Variants in C11orf21 observed in about 807,000 individuals in gnomAD.
C11orf21 encodes the protein uncharacterized protein C11orf21.
C11orf21 carries 19 observed loss-of-function variants against 15.2 expected under a neutral mutation model. That is an observed-to-expected ratio of 1.25 (90% CI 0.87 to 1.84). The LOEUF is 1.84. Among genes scored for constraint, C11orf21 ranks in the 40% most tolerant of loss-of-function variants. The pLI, the probability that C11orf21 is intolerant of heterozygous loss-of-function variation, is 0.00. For synonymous variants in C11orf21, 62 were observed against 66.8 expected, an observed-to-expected ratio of 0.93 and a Z score of 0.35; for missense variants, 171 against 174.4, an observed-to-expected ratio of 0.98 and a Z score of 0.11.
chr11:2,300,842 CG>C, intron 1 of C11orf21: 2 of 1,402,436 alleles, frequency 1.4e-6, no homozygotes, highest in Non-Finnish European at 9.9e-7. Context: ...TTGCACAGCC[CG>C]GGGGCCTCCT....
chr11:2,298,472 G>T (rs1847582720), intron 3 of C11orf21, among the ~76,000 whole-genome samples: 1 of 152,226 alleles, frequency 6.6e-6, no homozygotes. Flanking sequence ...AGCCTGCCTT[G>T]TCTGCACAGG....
chr11:2,303,019 C>T (rs7106334), upstream of C11orf21: 17 of 1,473,190 alleles, frequency 1.2e-5, no homozygotes, highest in African/African-American at 6.9e-5. Flanking sequence ...GTGGCTGGCA[C>T]GAGCCCAGCT....
At chr11:2,299,827 C>T (rs12273086) in intron 2 of C11orf21, 120 bp from the exon 3 acceptor site, 319 of 567,248 alleles carry the variant, frequency 5.6e-4, no homozygotes, top group Middle Eastern at 1.7e-3. Context: ...CACACATCCA[C>T]GTCTGCACAC....
At chr11:2,299,282 G>A (rs935223117) in intron 3 of C11orf21, 146 bp downstream of exon 3, 15 of 821,772 alleles carry the variant, frequency 1.8e-5, no homozygotes, top group African/African-American at 3.5e-5. Context: ...AGGTGCCCGC[G>A]TGGCCCCCAC....
rs1333957051 is a variant in C11orf21, at chr11:2,297,907, C to T, written c.*43G>A. 6.6e-6 allele frequency: 1 copy of T among 152,190 alleles called. No individual in the cohort carries two copies. The highest frequency in any genetic ancestry group is 2.4e-5 in the African/African-American group (1 of 41,416). 9.4% of individuals were successfully genotyped at this position (152,190 alleles called of 1,614,324 possible). ...ACAGATGGCTGCCTTCTCTCTGTGT[C>T]TTCATACAGCTGTCCTTCAGTGCAT... On this transcript the variant is annotated 3_prime_UTR_variant, in exon 4 of 4. Transcript: ENST00000381153.
At chr11:2,301,596 C>T (rs1053609443) in intron 1 of C11orf21, 160 bp downstream of exon 1, 7 of 635,054 alleles carry the variant, frequency 1.1e-5, no homozygotes, top group Admixed American at 6.9e-5. Context: ...TTAAAACCAA[C>T]GACCTTCTCA....
chr11:2,299,110 A>AT (rs1847607006), intron 3 of C11orf21, among the ~76,000 whole-genome samples: 1 of 152,136 alleles, frequency 6.6e-6, no homozygotes, highest in Non-Finnish European at 1.5e-5. Context: ...CCCAGGCAGT[A>AT]GGGGTTCAAA....
chr11:2,299,557 G>T lies in C11orf21; in HGVS notation c.298C>A (p.Pro100Thr). The T allele has an allele frequency of 6.4e-7, 1 of 1,550,774 alleles. No individual in the cohort carries two copies. Among genetic ancestry groups the T allele is most frequent in the Non-Finnish European group, 8.7e-7 (1 of 1,146,996 alleles). Residue 100 changes from proline (P) to threonine (T), a missense_variant, in exon 3 of 4, where the codon CCC becomes ACC. Pro to Thr is a conservative substitution (Grantham distance 38, BLOSUM62 -1). Coordinates refer to ENST00000381153, the MANE Select transcript of C11orf21 (RefSeq NM_001329958.2). Reference protein sequence around the residue: ...CCCLSLPGQLPLAIRLGWDLD... With the variant: ...CCCLSLPGQLTLAIRLGWDLD... Reference sequence around the variant, plus strand: ...TCCCATCCCAGCCGGATAGCCAGGGGCAACTGCCCAGGTAAACTGAGACAG... The same window carrying T: ...TCCCATCCCAGCCGGATAGCCAGGGTCAACTGCCCAGGTAAACTGAGACAG...
chr11:2,301,917 C>A lies in C11orf21; in HGVS notation c.-109G>T. 6.5e-7 allele frequency: 1 copy of A among 1,534,062 alleles called. No individual in the cohort carries two copies. The highest frequency in any genetic ancestry group is 8.8e-7 in the Non-Finnish European group (1 of 1,140,702). On this transcript the variant is annotated 5_prime_UTR_variant, in exon 1 of 4. Transcript: ENST00000381153. ...AAATGCCCTGGTGTCTTGGGCTGGGCTGGGGGCACCAGGGTGAGGTGGTGG... is the reference window on the plus strand; with the variant it reads ...AAATGCCCTGGTGTCTTGGGCTGGGATGGGGGCACCAGGGTGAGGTGGTGG...
intron 2 of C11orf21, among the ~76,000 whole-genome samples, chr11:2,299,915 C>A (rs1847640683): frequency 1.3e-5 from 2 of 151,484 alleles, no homozygotes; most frequent in African/African-American, 4.9e-5. Flanking sequence ...AAGCCAGGGG[C>A]CCTTAGGCCA....
At chr11:2,302,551 G>T (rs529858570), upstream of C11orf21, among the ~76,000 whole-genome samples, 3 of 152,344 alleles carry the variant, frequency 2.0e-5, no homozygotes, top group East Asian at 5.8e-4. Flanking sequence ...CTGGCACAGG[G>T]GTGGGGCTCA....
chr11:2,300,467 A>T (rs1353461112), intron 2 of C11orf21, 53 bp downstream of exon 2: 11 of 1,221,080 alleles, frequency 9.0e-6, no homozygotes, highest in Non-Finnish European at 1.3e-5. Context: ...TGGGGGTTCC[A>T]CCGGCTCCCT....
upstream of C11orf21, chr11:2,302,673 AGT>A (rs530601918): frequency 9.1e-5 from 56 of 614,414 alleles, no homozygotes; most frequent in African/African-American, 8.8e-4. Context: ...GGGCGTCTGC[AGT>A]GAAGGCCTCC....
chr11:2,301,923 G>A, upstream of C11orf21: 2 of 1,528,658 alleles, frequency 1.3e-6, no homozygotes, highest in Non-Finnish European at 1.8e-6. Context: ...TGGGCTGGGG[G>A]CACCAGGGTG....
intron 1 of C11orf21, 168 bp from the exon 2 acceptor site, chr11:2,300,781 C>A: frequency 1.3e-6 from 2 of 1,550,342 alleles, no homozygotes; most frequent in Non-Finnish European, 1.7e-6. Context: ...AGGGGCGAAC[C>A]AGACATAGCC....
At position 2,299,727 on chromosome 11, in the gene C11orf21, T is replaced by A. The variant is rs1371885513; in HGVS notation, c.148-20A>T. On this transcript the variant is annotated intron_variant, in intron 2 of 3. Transcript: ENST00000381153. ...GGCCTCCTGGTGGGTAAGGACATTG[T>A]AGAGTGAGCGGGCGCACCTGGGACC... 4 of 1,549,194 alleles carry A rather than the reference T, an allele frequency of 2.6e-6. No homozygotes were observed. The highest frequency in any genetic ancestry group is 3.5e-6 in the Non-Finnish European group (4 of 1,145,694).
chr11:2,299,392 G>C (rs992885310), intron 3 of C11orf21, 36 bp downstream of exon 3: 2 of 1,534,502 alleles, frequency 1.3e-6, no homozygotes, highest in East Asian at 2.5e-5. Context: ...CAGCACAGGG[G>C]CCCCCAGGCT....
chr11:2,302,707 C>G, upstream of C11orf21: 1 of 704,574 alleles, frequency 1.4e-6, no homozygotes, highest in Non-Finnish European at 2.4e-6. Flanking sequence ...CACGGAAACA[C>G]CGGGAATCCC....
At chr11:2,299,848 CTG>C in intron 2 of C11orf21, 141 bp from the exon 3 acceptor site, 3 of 444,498 alleles carry the variant, frequency 6.7e-6, no homozygotes, top group Non-Finnish European at 7.5e-6. Flanking sequence ...GCATCCACGC[CTG>C]CACACGCATC....
Sources: gnomAD v4.1 joint callset for allele counts (sites outside exome capture counted in the v4.1 genomes callset) on GRCh38, gnomAD v4.1.1 for gene constraint, MANE v1.5 for transcripts, NCBI Gene and HGNC (gene_info 2026-07-23, HGNC 2026-07-21) for gene names.